Variants in ANKMY1 observed in about 807,000 individuals in gnomAD.
The protein encoded by ANKMY1 is ankyrin repeat and MYND domain-containing protein 1.
ANKMY1 carries 98 observed loss-of-function variants against 102.0 expected under a neutral mutation model. The ratio of observed to expected loss-of-function variants is 0.96; its 90% CI spans 0.82 to 1.14. ANKMY1 has a LOEUF of 1.14. ANKMY1 is among the 50% of genes most tolerant of loss of function. The probability of loss-of-function intolerance (pLI) is 0.00; values close to 1 mark genes in which losing one functional copy is unlikely to be tolerated. For missense variants in ANKMY1, 1,330 were observed against 1,347.6 expected, an observed-to-expected ratio of 0.99 and a Z score of 0.20; for synonymous variants, 582 against 559.9, an observed-to-expected ratio of 1.04 and a Z score of -0.56.
rs1282345357 is a variant in ANKMY1 at position 240,525,839 on chromosome 2, T to C, written c.1181A>G (p.His394Arg). The stretch of plus-strand genomic sequence containing the variant: ...CAGGAGAAGGTTGACAATGTCGTTG[T>C]GGCAGTGAGTCTGGAGGGAGATGAG... ...TVLAAAATHC[H>R]NDIVNLLLDC... The change falls in exon 7 of 18, where the codon CAC (histidine) becomes CGC (arginine). Residue 394 changes from histidine to arginine, a missense_variant. Physicochemically the swap from His to Arg is conservative, Grantham distance 29 (BLOSUM62 0). Transcript: ENST00000401804. The C allele has an allele frequency of 6.8e-6, 11 of 1,613,892 alleles. No individual in the cohort carries two copies. In the East Asian group the frequency reaches 1.1e-4, roughly 16 times the overall value.
At position 240,507,575 on chromosome 2, in the gene ANKMY1, G is replaced by A. The variant is rs1420850008; in HGVS notation, c.2511C>T (p.Asp837=). 6.2e-7 allele frequency: 1 copy of A among 1,609,336 alleles called. No individual in the cohort carries two copies. Among genetic ancestry groups the A allele is most frequent in the South Asian group, 1.1e-5 (1 of 89,674 alleles). The change falls in exon 13 of 18, where the codon GAC becomes GAT. Residue 837 remains aspartate (D), a synonymous_variant. Transcript: ENST00000401804. The part of the protein sequence containing the change: ...DLTYEHQRNM[D]SKLALIDRLI... ...TGCCCCTCACCAGGGCCAGCTTGCTGTCCATGTTCCTCTGGTGCTCGTAGG... is the reference window on the plus strand; with the variant it reads ...TGCCCCTCACCAGGGCCAGCTTGCTATCCATGTTCCTCTGGTGCTCGTAGG...
At chr2:240,539,153 G>A (rs761650861) in intron 4 of ANKMY1, among the ~76,000 whole-genome samples, 2 of 151,386 alleles carry the variant, frequency 1.3e-5, no homozygotes, top group Non-Finnish European at 2.9e-5. Context: ...TTGTTCTTTC[G>A]CTCTTTGCAA....
At chr2:240,538,427 A>C (rs1458285451) in intron 4 of ANKMY1, among the ~76,000 whole-genome samples, 2 of 152,172 alleles carry the variant, frequency 1.3e-5, no homozygotes, top group African/African-American at 4.8e-5. Flanking sequence ...CACCTGGGCC[A>C]GAAGCTGCGG....
Position 240,523,918 on chromosome 2 carries a change from C to A in ANKMY1, c.1799G>T (p.Gly600Val). The change falls in exon 8 of 18, where the codon GGG (glycine) becomes GTG (valine). Residue 600 changes from glycine (G) to valine (V), a missense_variant. By Grantham distance (109) the Gly-to-Val change is moderately radical. Coordinates refer to ENST00000401804, the MANE Select transcript of ANKMY1 (RefSeq NM_001282771.3). ...GGACAGCGCCATCCTCCGCATGGTCCCTTTGTCGAAGCTGCTGGTGCACGG... is the reference window on the plus strand; with the variant it reads ...GGACAGCGCCATCCTCCGCATGGTCACTTTGTCGAAGCTGCTGGTGCACGG... ...PSPCTSSFDKGTMRRMALSMI... is the reference protein window; with the variant it reads ...PSPCTSSFDKVTMRRMALSMI... 6.2e-7 allele frequency: 1 copy of A among 1,613,616 alleles called. No homozygotes were observed. The highest frequency in any genetic ancestry group is 8.5e-7 in the Non-Finnish European group (1 of 1,179,912).
upstream of ANKMY1, chr2:240,558,503 A>G (rs1251345578): frequency 1.3e-5 from 2 of 152,316 alleles, no homozygotes. Flanking sequence ...ACTGCAGGAG[A>G]GCGGATTCTT....
chr2:240,535,899 A>G (rs919337924), intron 4 of ANKMY1, among the ~76,000 whole-genome samples: 1 of 151,326 alleles, frequency 6.6e-6, no homozygotes, highest in Non-Finnish European at 1.5e-5. Flanking sequence ...ACCCAAGCAC[A>G]TATAAAGACT....
At chr2:240,553,266 CCT>C (rs1454621272) in intron 3 of ANKMY1, 1 of 597,338 alleles carries the variant, frequency 1.7e-6, no homozygotes, top group South Asian at 2.0e-5. Flanking sequence ...AGCCAGGCTC[CCT>C]CTCTGTCTTC....
At chr2:240,501,922 C>T (rs1293123242) in intron 13 of ANKMY1, among the ~76,000 whole-genome samples, 3 of 152,198 alleles carry the variant, frequency 2.0e-5, no homozygotes, top group Admixed American at 1.3e-4. Context: ...CCATGAGACC[C>T]CCATCGTCTT....
intron 4 of ANKMY1, among the ~76,000 whole-genome samples, chr2:240,534,648 T>A (rs571151544): frequency 6.6e-6 from 1 of 152,292 alleles, no homozygotes; most frequent in African/African-American, 2.4e-5. Flanking sequence ...TACAGGGAGA[T>A]ATACTAATTC....
At chr2:240,513,785 C>T (rs1027752925) in intron 9 of ANKMY1, among the ~76,000 whole-genome samples, 2 of 152,238 alleles carry the variant, frequency 1.3e-5, no homozygotes, top group South Asian at 4.1e-4. Flanking sequence ...GCAGCCCCTG[C>T]GACCTCCACA....
chr2:240,522,166 G>C (rs2082437203), intron 8 of ANKMY1: 1 of 132,794 alleles, frequency 7.5e-6, no homozygotes, highest in Admixed American at 7.5e-5. Flanking sequence ...GCTGATTGGT[G>C]CATTTACAAT....
chr2:240,552,723 G>A, intron 4 of ANKMY1, 191 bp downstream of exon 4: 1 of 832,672 alleles, frequency 1.2e-6, no homozygotes, highest in East Asian at 2.8e-5. Flanking sequence ...TCCCTCTGGG[G>A]AATAAAATGC....
intron 9 of ANKMY1, among the ~76,000 whole-genome samples, 157 bp from the exon 10 acceptor site, chr2:240,513,099 G>A (rs1462905096): frequency 6.6e-6 from 1 of 152,212 alleles, no homozygotes; most frequent in South Asian, 2.1e-4. Context: ...ACTGGTCCCT[G>A]AAGGCAGTGT....
the ANKMY1 span, among the ~76,000 whole-genome samples, chr2:240,471,260 C>CTTTT: frequency 2.2e-5 from 3 of 136,150 alleles, no homozygotes; most frequent in African/African-American, 8.3e-5. Context: ...AACTCAAATT[C>CTTTT]TTTTTTTTTT....
chr2:240,510,016 C>T (rs1345383525), intron 11 of ANKMY1, among the ~76,000 whole-genome samples: 1 of 144,020 alleles, frequency 6.9e-6, no homozygotes, highest in East Asian at 2.1e-4. Flanking sequence ...CTGTCCTCCT[C>T]CCCCGTCCCT....
intron 4 of ANKMY1, among the ~76,000 whole-genome samples, chr2:240,540,707 A>G (rs540864650): frequency 9.8e-5 from 15 of 152,316 alleles, no homozygotes; most frequent in Middle Eastern, 3.4e-3. Flanking sequence ...TTCTTTTGCA[A>G]TACTCCTGGT....
At chr2:240,519,425 C>T (rs2081746746) in intron 9 of ANKMY1, among the ~76,000 whole-genome samples, 1 of 152,246 alleles carries the variant, frequency 6.6e-6, no homozygotes. Flanking sequence ...TGAGCCCACG[C>T]TTGCTGTCAT....
chr2:240,549,090 C>A (rs1407912797), intron 4 of ANKMY1, among the ~76,000 whole-genome samples: 1 of 151,306 alleles, frequency 6.6e-6, no homozygotes, highest in Admixed American at 6.6e-5. Context: ...AAGCTGGAGG[C>A]ATCACACTAC....
chr2:240,531,054 C>T (rs1234003137), intron 4 of ANKMY1, among the ~76,000 whole-genome samples: 1 of 151,460 alleles, frequency 6.6e-6, no homozygotes, highest in Non-Finnish European at 1.5e-5. Flanking sequence ...TCCATAAGAA[C>T]ATAAATAACC....
Sources: gnomAD v4.1 joint callset for allele counts (sites outside exome capture counted in the v4.1 genomes callset) on GRCh38, gnomAD v4.1.1 for gene constraint, MANE v1.5 for transcripts, NCBI Gene and HGNC (gene_info 2026-07-23, HGNC 2026-07-21) for gene names.